Variants in USP25 observed in about 807,000 individuals in gnomAD.
USP25 encodes the protein ubiquitin carboxyl-terminal hydrolase 25.
A neutral mutation model predicts 158.5 loss-of-function variants in USP25; 85 were observed. The observed-to-expected ratio is 0.54, with a 90% CI of 0.45 to 0.64. USP25 has a LOEUF of 0.64. Among genes scored for constraint, USP25 ranks in the 30% least tolerant of loss-of-function variants. The probability of loss-of-function intolerance (pLI) is 0.00; values close to 1 mark genes in which losing one functional copy is unlikely to be tolerated. For synonymous variants in USP25, 464 were observed against 460.4 expected (o/e 1.01, Z -0.10); for missense variants, 1,242 against 1,327.3 (o/e 0.94, Z 1.00).
At chr21:15,817,848 A>C (rs990284490) in intron 9 of USP25, among the ~76,000 whole-genome samples, 1 of 152,106 alleles carries the variant, frequency 6.6e-6, no homozygotes, top group Non-Finnish European at 1.5e-5. Context: ...GGGAGCTACA[A>C]TTTAAGATGA....
intron 14 of USP25, among the ~76,000 whole-genome samples, chr21:15,829,361 C>T (rs1247396412): frequency 6.6e-6 from 1 of 152,080 alleles, no homozygotes; most frequent in Admixed American, 6.6e-5. Context: ...CTTATGTCCA[C>T]CATTTCTGGT....
At chr21:15,772,505 G>A (rs1265618758) in intron 3 of USP25, among the ~76,000 whole-genome samples, 1 of 152,164 alleles carries the variant, frequency 6.6e-6, no homozygotes, top group African/African-American at 2.4e-5. Context: ...TTTTACCAAG[G>A]TCTTGCCTTG....
chr21:15,794,288 A>G (rs183569261), intron 5 of USP25, among the ~76,000 whole-genome samples: 37 of 151,796 alleles, frequency 2.4e-4, no homozygotes, highest in Non-Finnish European at 1.5e-5. Flanking sequence ...GGGGAACAGA[A>G]TGTAAGAAAG....
chr21:15,826,568 T>G lies in USP25; in HGVS notation c.1466+203T>G, dbSNP rs2037513354. 6.6e-6 allele frequency among the ~76,000 whole-genome samples: 1 copy of G among 152,150 alleles called. No individual in the cohort carries two copies. Among genetic ancestry groups the G allele is most frequent in the African/African-American group, 2.4e-5 (1 of 41,376 alleles). On this transcript the variant is annotated intron_variant, in intron 13 of 25. Coordinates refer to ENST00000400183, the MANE Select transcript of USP25 (RefSeq NM_001283041.3). This position sits in a 1 kb window ranked among gnomAD's most constrained non-coding sequence, Gnocchi z 4.8. Reference sequence around the variant, plus strand: ...GATTTTATGGTTATGGATTAAAATTTTAATCACATTTTTTTTCAGTTCAGA... The same window carrying G: ...GATTTTATGGTTATGGATTAAAATTGTAATCACATTTTTTTTCAGTTCAGA...
At chr21:15,749,746 A>G (rs1471444334) in intron 1 of USP25, among the ~76,000 whole-genome samples, 2 of 152,254 alleles carry the variant, frequency 1.3e-5, no homozygotes, top group Non-Finnish European at 2.9e-5. Flanking sequence ...TAAAGGAGGT[A>G]ATAGCTGAAA....
chr21:15,747,704 A>T (rs2032673797), intron 1 of USP25, among the ~76,000 whole-genome samples: 1 of 152,156 alleles, frequency 6.6e-6, no homozygotes, highest in South Asian at 2.1e-4. Context: ...TGTTGGACAA[A>T]GGGAAGATTC....
chr21:15,854,217 C>A (rs1233698503), intron 20 of USP25, among the ~76,000 whole-genome samples: 1 of 152,156 alleles, frequency 6.6e-6, no homozygotes, highest in Non-Finnish European at 1.5e-5. Context: ...GCGATCTTGG[C>A]TCACTGCAAC....
chr21:15,807,585 C>T lies in USP25; in HGVS notation c.781-1224C>T, dbSNP rs780889841. 5.3e-5 allele frequency among the ~76,000 whole-genome samples: 8 copies of T among 152,312 alleles called. No individual in the cohort carries two copies. The East Asian group carries it at 7.7e-4, about 15-fold the overall frequency. ...TCTGAGGGAGAATCCTTTGCTTCCA[C>T]CGTACTCTGGTGGCTGTTGGTGTTC... On this transcript the variant is annotated intron_variant, in intron 7 of 25. Coordinates refer to ENST00000400183, the MANE Select transcript of USP25 (RefSeq NM_001283041.3).
intron 20 of USP25, among the ~76,000 whole-genome samples, chr21:15,855,865 A>G (rs1355172881): frequency 6.6e-6 from 1 of 152,190 alleles, no homozygotes; most frequent in Non-Finnish European, 1.5e-5. Context: ...GACTTCTAAC[A>G]ACATACGTTA....
At chr21:15,761,125 C>A (rs962296164) in intron 1 of USP25, among the ~76,000 whole-genome samples, 7 of 152,200 alleles carry the variant, frequency 4.6e-5, no homozygotes, top group Non-Finnish European at 5.9e-5. Flanking sequence ...GATGCTTCCT[C>A]AAGATTAGAT....
chr21:15,762,191 G>GTGATTTTT (rs1323807995), intron 1 of USP25, among the ~76,000 whole-genome samples: 2 of 132,254 alleles, frequency 1.5e-5, no homozygotes, highest in African/African-American at 7.0e-5. Flanking sequence ...CATATCCATT[G>GTGATTTTT]TGATTTTTTA....
At chr21:15,845,194 T>C (rs2038521382) in intron 18 of USP25, among the ~76,000 whole-genome samples, 1 of 152,158 alleles carries the variant, frequency 6.6e-6, no homozygotes, top group Non-Finnish European at 1.5e-5. Flanking sequence ...TTGTCACCCT[T>C]CTTATGAGAC....
In USP25 at chr21:15,816,158, T is replaced by G. The variant is rs2036926328; in HGVS notation, c.932-2540T>G. Among the ~76,000 whole-genome samples the G allele has an allele frequency of 6.6e-6, 1 of 152,148 alleles. No homozygotes were observed. The highest frequency in any genetic ancestry group is 2.4e-5 in the African/African-American group (1 of 41,436). On this transcript the variant is annotated intron_variant, in intron 9 of 25. Coordinates refer to ENST00000400183, the MANE Select transcript of USP25 (RefSeq NM_001283041.3). The surrounding 1 kb of genome is among the most constrained non-coding windows in gnomAD (Gnocchi z 4.0). ...TGGGGCAGTCTTTCCTGTGCTATTC[T>G]CATGATATTGAATACATCTCATGAG...
Position 15,878,689 on chromosome 21 carries a change from T to G in USP25, c.*214T>G. On this transcript the variant is annotated 3_prime_UTR_variant, in exon 26 of 26. Coordinates refer to ENST00000400183, the MANE Select transcript of USP25 (RefSeq NM_001283041.3). ...TCAGACATTTTAACCGGAACTGATGTATAATCACAAATCTAATTGATTTTA... is the reference window on the plus strand; with the variant it reads ...TCAGACATTTTAACCGGAACTGATGGATAATCACAAATCTAATTGATTTTA... The G allele has an allele frequency of 2.4e-6, 1 of 416,112 alleles. No homozygotes were observed. The highest frequency in any genetic ancestry group is 4.2e-6 in the Non-Finnish European group (1 of 240,448). 25.8% of individuals were successfully genotyped at this position (416,112 alleles called of 1,614,324 possible).
At chr21:15,730,974 C>CTTTTTTTTTTTTTTTTTTTT (rs1420306163) in intron 1 of USP25, among the ~76,000 whole-genome samples, 2 of 60,348 alleles carry the variant, frequency 3.3e-5, no homozygotes, top group African/African-American at 1.5e-4. Flanking sequence ...TTCTTCTTTT[C>CTTTTTTTTTTTTTTTTTTTT]TGTTTTTTTT....
In USP25 at chr21:15,778,269, A is replaced by C. The variant is rs560365388; in HGVS notation, c.392+242A>C. On this transcript the variant is annotated intron_variant, in intron 4 of 25. Transcript: ENST00000400183. ...GGGATTACATTTAGGTGCATATTTTAATATTTCTTTCATTTTTTTTCTTCC... is the reference window on the plus strand; with the variant it reads ...GGGATTACATTTAGGTGCATATTTTCATATTTCTTTCATTTTTTTTCTTCC... Among the ~76,000 whole-genome samples the C allele has an allele frequency of 2.6e-5, 4 of 152,094 alleles. No homozygotes were observed. In the East Asian group the frequency reaches 7.7e-4, roughly 29 times the overall value.
At chr21:15,808,422 T>C (rs2036496825) in intron 7 of USP25, among the ~76,000 whole-genome samples, 1 of 152,232 alleles carries the variant, frequency 6.6e-6, no homozygotes, top group Non-Finnish European at 1.5e-5. Flanking sequence ...GTCATAATTC[T>C]TTATAAAACG....
intron 1 of USP25, among the ~76,000 whole-genome samples, chr21:15,750,015 C>CTGT (rs2032862985): frequency 1.3e-5 from 2 of 152,082 alleles, no homozygotes; most frequent in South Asian, 4.2e-4. Flanking sequence ...GGAGGAGAGG[C>CTGT]TGTGTAGCTT....
intron 3 of USP25, among the ~76,000 whole-genome samples, chr21:15,777,646 A>G (rs2034734483): frequency 6.6e-6 from 1 of 152,224 alleles, no homozygotes; most frequent in Non-Finnish European, 1.5e-5. Flanking sequence ...GAGACCTCAT[A>G]GTAAATACAG....
Sources: allele counts gnomAD v4.1 joint callset (sites outside exome capture counted in the v4.1 genomes callset), GRCh38; gene constraint gnomAD v4.1.1; non-coding constraint Gnocchi (gnomAD v3.1); transcripts MANE v1.5; gene names NCBI Gene and HGNC (gene_info 2026-07-23, HGNC 2026-07-21).